The following VPS35L variants were observed in gnomAD, a reference collection of about 807,000 sequenced individuals.
VPS35L encodes VPS35 endosomal protein-sorting factor-like.
Under a neutral mutation model 133.0 loss-of-function variants are expected in VPS35L, and 83 were observed. The ratio of observed to expected loss-of-function variants is 0.62; its 90% CI spans 0.52 to 0.75. VPS35L has a LOEUF of 0.75. VPS35L is among the 30% of genes least tolerant of loss of function. The pLI is 0.00. For synonymous variants in VPS35L, 423 were observed against 449.9 expected (o/e 0.94, Z 0.76); for missense variants, 1,083 against 1,206.8 (o/e 0.90, Z 1.52).
intron 7 of VPS35L, among the ~76,000 whole-genome samples, chr16:19,583,635 T>C (rs1487235386): frequency 2.6e-5 from 4 of 151,780 alleles, no homozygotes; most frequent in Non-Finnish European, 4.4e-5. Context: ...GGCACGAGAA[T>C]TGCGTGAACA....
chr16:19,578,094 T>C (rs1337054692), intron 5 of VPS35L, among the ~76,000 whole-genome samples: 1 of 152,174 alleles, frequency 6.6e-6, no homozygotes, highest in Non-Finnish European at 1.5e-5. Context: ...ACTGCCTGTT[T>C]TTTAAGTACA....
Position 19,581,629 on chromosome 16 carries a change from G to A in VPS35L, c.615G>A (p.Val205=), listed in dbSNP as rs1207845004. ...LKDAWASDQK[V]KALKIVIQCS... ...ATGCCTGGGCCTCAGACCAGAAAGT[G>A]AAGGCTCTAAAAATAGTCATCCAGG... Residue 205 remains valine (V), a synonymous_variant, in exon 7 of 31, where the codon GTG becomes GTA. Transcript: ENST00000417362. The A allele has an allele frequency of 1.2e-6, 2 of 1,613,964 alleles. No homozygotes were observed. Among genetic ancestry groups the A allele is most frequent in the African/African-American group, 2.7e-5 (2 of 74,898 alleles).
Position 19,616,168 on chromosome 16 carries a change from G to C in VPS35L, c.1078G>C (p.Asp360His). ...AGAAACCCTAAATAAGAACTTTTTT[G>C]ACTTCCTCCTTACGTTCAAACAGGT... ...LKETLNKNFF[D>H]FLLTFKQIHG... The change falls in exon 13 of 31, where the codon GAC (aspartate) becomes CAC (histidine). Residue 360 changes from aspartate (D) to histidine (H), a missense_variant. Asp to His is a moderately conservative substitution (Grantham distance 81, BLOSUM62 -1). Transcript: ENST00000417362. 6.2e-7 allele frequency: 1 copy of C among 1,612,856 alleles called. No individual in the cohort carries two copies.
chr16:19,640,160 A>T, intron 21 of VPS35L, 60 bp downstream of exon 21: 6 of 1,501,002 alleles, frequency 4.0e-6, no homozygotes, highest in Non-Finnish European at 4.6e-6. Context: ...AAACCTGTTG[A>T]TAAAAAATCA....
At chr16:19,625,104 A>AG (rs1973220223) in intron 14 of VPS35L, among the ~76,000 whole-genome samples, 2 of 151,550 alleles carry the variant, frequency 1.3e-5, no homozygotes, top group Admixed American at 1.3e-4. Context: ...CCTTTGGCGG[A>AG]GGCGGGGAAA....
At chr16:19,625,740 C>G (rs919398862) in intron 14 of VPS35L, among the ~76,000 whole-genome samples, 4 of 152,116 alleles carry the variant, frequency 2.6e-5, no homozygotes, top group African/African-American at 9.7e-5. Flanking sequence ...GTGGCATGAT[C>G]TCAGCTCATA....
At chr16:19,662,647 G>A (rs1974525741) in intron 26 of VPS35L, among the ~76,000 whole-genome samples, 1 of 148,844 alleles carries the variant, frequency 6.7e-6, no homozygotes, top group African/African-American at 2.6e-5. Flanking sequence ...GAGTAAACAA[G>A]CTATTTAGAT....
At chr16:19,560,457 A>G (rs147301327) in intron 1 of VPS35L, among the ~76,000 whole-genome samples, 2 of 152,348 alleles carry the variant, frequency 1.3e-5, no homozygotes, top group African/African-American at 4.8e-5. Flanking sequence ...ATTTTGTTAA[A>G]TGAGCCTTTC....
intron 26 of VPS35L, among the ~76,000 whole-genome samples, chr16:19,664,911 A>C (rs1482209607): frequency 5.3e-5 from 8 of 151,958 alleles, no homozygotes; most frequent in Admixed American, 3.9e-4. Context: ...AAAAAAAAAA[A>C]AACAAAAAAA....
intron 12 of VPS35L, among the ~76,000 whole-genome samples, chr16:19,613,927 T>C (rs182400780): frequency 2.6e-5 from 4 of 152,196 alleles, no homozygotes; most frequent in Non-Finnish European, 5.9e-5. Context: ...AGCAATACCC[T>C]TGCTGCTCTG....
chr16:19,569,671 C>G, intron 3 of VPS35L, 80 bp downstream of exon 3: 1 of 1,347,102 alleles, frequency 7.4e-7, no homozygotes, highest in Non-Finnish European at 9.8e-7. Context: ...GTGCCCTGCC[C>G]TTTTTTTTCC....
At chr16:19,579,306 C>T (rs141890642) in intron 6 of VPS35L, 178 bp downstream of exon 6, 21 of 570,702 alleles carry the variant, frequency 3.7e-5, no homozygotes, top group East Asian at 2.9e-4. Context: ...GCCGAGCTCA[C>T]GGAAGCCTGA....
chr16:19,607,359 G>A (rs1458562581), intron 9 of VPS35L, among the ~76,000 whole-genome samples: 1 of 152,188 alleles, frequency 6.6e-6, no homozygotes, highest in African/African-American at 2.4e-5. Context: ...TGAGCAGAAA[G>A]AAGAAGTGAG....
chr16:19,608,149 G>A (rs1180657825), intron 9 of VPS35L, 29 bp from the exon 10 acceptor site: 1 of 1,533,534 alleles, frequency 6.5e-7, no homozygotes, highest in Non-Finnish European at 9.0e-7. Flanking sequence ...ATTTAGGAGG[G>A]CTGATGGATC....
intron 1 of VPS35L, among the ~76,000 whole-genome samples, chr16:19,556,700 A>G (rs921594221): frequency 2.0e-5 from 3 of 152,200 alleles, no homozygotes; most frequent in Admixed American, 6.5e-5. Context: ...TTTGAGCTTG[A>G]TAAACACTTC....
At chr16:19,641,089 GAACCCTGCTC>G (rs1973773717) in intron 21 of VPS35L, among the ~76,000 whole-genome samples, 2 of 151,656 alleles carry the variant, frequency 1.3e-5, no homozygotes, top group African/African-American at 4.8e-5. Flanking sequence ...TTTTGAGGCA[GAACCCTGCTC>G]TGTCACCCAG....
At chr16:19,676,995 T>A (rs1411153304) in intron 27 of VPS35L, among the ~76,000 whole-genome samples, 1 of 152,040 alleles carries the variant, frequency 6.6e-6, no homozygotes, top group East Asian at 1.9e-4. Flanking sequence ...AAGGATTGCT[T>A]GAGGCCAGGA....
intron 7 of VPS35L, 111 bp from the exon 8 acceptor site, chr16:19,591,679 A>G (rs1032201846): frequency 2.6e-6 from 2 of 765,142 alleles, no homozygotes; most frequent in East Asian, 2.6e-5. Flanking sequence ...GCCTTGGCAC[A>G]TAGTAAGTAT....
chr16:19,561,229 G>A (rs1318632774), intron 1 of VPS35L, among the ~76,000 whole-genome samples: 2 of 152,098 alleles, frequency 1.3e-5, no homozygotes, highest in Non-Finnish European at 2.9e-5. Context: ...AAATTAGCCG[G>A]GTGTGGTGGC....
Sources: gnomAD v4.1 joint callset for allele counts (sites outside exome capture counted in the v4.1 genomes callset) on GRCh38, gnomAD v4.1.1 for gene constraint, MANE v1.5 for transcripts, NCBI Gene and HGNC (gene_info 2026-07-23, HGNC 2026-07-21) for gene names.